Variants in LMBR1 observed in about 807,000 individuals in gnomAD.
LMBR1 encodes limb region 1 protein homolog.
LMBR1 carries 52 observed loss-of-function variants against 73.9 expected under a neutral mutation model. That is an observed-to-expected ratio of 0.70 (90% CI 0.56 to 0.89). The LOEUF is 0.89. Among genes scored for constraint, LMBR1 ranks in the 40% least tolerant of loss-of-function variants. The pLI, the probability that LMBR1 is intolerant of heterozygous loss-of-function variation, is 0.00. For synonymous variants in LMBR1, 215 were observed against 209.4 expected, an observed-to-expected ratio of 1.03 and a Z score of -0.23; for missense variants, 539 against 579.8, an observed-to-expected ratio of 0.93 and a Z score of 0.72.
In LMBR1 at chr7:156,749,878, C is replaced by T. The variant is rs769281749; in HGVS notation, c.757+6515G>A. Among the ~76,000 whole-genome samples, 8 of 152,072 alleles carry T rather than the reference C, an allele frequency of 5.3e-5. No homozygotes were observed. The East Asian group carries it at 5.8e-4, about 11-fold the overall frequency. ...TAATTTTTGTATTTTTAATAGAGAC[C>T]GGGTTTCACCATGCTGGCCAGGTGG... On this transcript the variant is annotated intron_variant, in intron 9 of 16. Transcript: ENST00000353442.
rs772161675 is a variant in LMBR1, at chr7:156,681,559, A to C, written c.*2519T>G. ...AATTTATTTAAGTATTGCAGAACCA[A>C]TTAATAAGAATCTGCAAGTTTTCCC... is the stretch of plus-strand genomic sequence containing the variant. On this transcript the variant is annotated 3_prime_UTR_variant, in exon 17 of 17. Transcript: ENST00000353442. The C allele has an allele frequency of 1.3e-5, 2 of 153,560 alleles. No homozygotes were observed. The highest frequency in any genetic ancestry group is 4.8e-5 in the African/African-American group (2 of 41,478). The allele number at this position is 153,560 out of a possible 1,614,324, so 9.5% of individuals were successfully genotyped here.
At chr7:156,719,615 T>C (rs1814059192) in intron 15 of LMBR1, among the ~76,000 whole-genome samples, 1 of 152,034 alleles carries the variant, frequency 6.6e-6, no homozygotes, top group Non-Finnish European at 1.5e-5. Context: ...TTAAAGTTCA[T>C]ATGGAACCAA....
rs142239565 is a variant in LMBR1 at position 156,772,935 on chromosome 7, A to T, written c.424-9140T>A. ...GAAGTCAAATTATCTCTGTTTGCAG[A>T]TGATATAATTTCATATCTAGAAAAT... On this transcript the variant is annotated intron_variant, in intron 5 of 16. Transcript: ENST00000353442. Among the ~76,000 whole-genome samples the T allele has an allele frequency of 3.9e-5, 6 of 152,248 alleles. No homozygotes were observed. The East Asian group carries it at 1.2e-3, about 29-fold the overall frequency.
At chr7:156,831,785 G>A (rs1335609877) in intron 3 of LMBR1, among the ~76,000 whole-genome samples, 1 of 152,164 alleles carries the variant, frequency 6.6e-6, no homozygotes, top group Non-Finnish European at 1.5e-5. Flanking sequence ...AAAAGACAAA[G>A]TGATGTGTTC....
intron 1 of LMBR1, among the ~76,000 whole-genome samples, chr7:156,855,504 G>A (rs1475518995): frequency 6.6e-6 from 1 of 151,820 alleles, no homozygotes; most frequent in Non-Finnish European, 1.5e-5. Context: ...AAGAAGTACA[G>A]AACAATTACA....
At chr7:156,720,926 G>C (rs1814424434) in intron 15 of LMBR1, among the ~76,000 whole-genome samples, 1 of 151,846 alleles carries the variant, frequency 6.6e-6, no homozygotes. Context: ...CAGATAAATA[G>C]GGATTACCAA....
At chr7:156,710,695 G>T (rs957162918) in intron 15 of LMBR1, among the ~76,000 whole-genome samples, 1 of 152,188 alleles carries the variant, frequency 6.6e-6, no homozygotes, top group African/African-American at 2.4e-5. Flanking sequence ...ATCACAAAAT[G>T]ATCATCACAC....
downstream of LMBR1, chr7:156,675,800 G>C (rs1318020425): frequency 6.2e-7 from 1 of 1,614,064 alleles, no homozygotes; most frequent in Non-Finnish European, 8.5e-7. Context: ...GTGTTCTTCA[G>C]CAGTTGGAAG....
intron 10 of LMBR1, among the ~76,000 whole-genome samples, chr7:156,729,417 T>TTATA (rs1371828414): frequency 4.0e-4 from 59 of 147,354 alleles, no homozygotes; most frequent in Non-Finnish European, 7.9e-4. Flanking sequence ...ATCTACATAT[T>TTATA]GATATATATA....
chr7:156,886,071 C>T (rs1801851192), intron 1 of LMBR1, among the ~76,000 whole-genome samples: 1 of 151,150 alleles, frequency 6.6e-6, no homozygotes, highest in South Asian at 2.1e-4. Context: ...AAAAGACTTC[C>T]TTCAAGTAGG....
chr7:156,891,468 G>A (rs371594753), intron 1 of LMBR1, among the ~76,000 whole-genome samples: 44 of 151,612 alleles, frequency 2.9e-4, no homozygotes, highest in East Asian at 1.9e-3. Flanking sequence ...TATACGGTAA[G>A]ATTCCATTTA....
rs1196897736 is a variant in LMBR1, at chr7:156,670,774, G to A, written n.867-1487C>T. Among the ~76,000 whole-genome samples the A allele has an allele frequency of 6.6e-6, 1 of 152,142 alleles. No homozygotes were observed. Among genetic ancestry groups the A allele is most frequent in the Admixed American group, 6.6e-5 (1 of 15,260 alleles). ...AATGAAAGTTACATTCAAGACGAGA[G>A]GCAAAAGAAAAGCCAGACAAAAAGT... On this transcript the variant is annotated intron_variant and non_coding_transcript_variant, in intron 4 of 4. Transcript: ENST00000430825. The surrounding 1 kb of genome is among the most constrained non-coding windows in gnomAD (Gnocchi z 4.3).
chr7:156,671,799 A>G (rs192637190), intron 4 of LMBR1, among the ~76,000 whole-genome samples: 1 of 151,436 alleles, frequency 6.6e-6, no homozygotes, highest in Non-Finnish European at 1.5e-5. Flanking sequence ...AGTCGTGTAG[A>G]GTATGTTCCC....
At chr7:156,676,279 T>C (rs765817198), downstream of LMBR1, 2 of 1,564,062 alleles carry the variant, frequency 1.3e-6, no homozygotes, top group South Asian at 1.2e-5. Context: ...ATAAAATGCA[T>C]GTGATTTTAA....
intron 15 of LMBR1, among the ~76,000 whole-genome samples, chr7:156,688,654 T>TA (rs1165875337): frequency 6.6e-6 from 1 of 152,168 alleles, no homozygotes; most frequent in Non-Finnish European, 1.5e-5. Context: ...CCCCTCTCTT[T>TA]AGTCGGGTCT....
chr7:156,761,448 ATTT>A (rs1409692321), intron 8 of LMBR1, among the ~76,000 whole-genome samples: 3 of 152,134 alleles, frequency 2.0e-5, no homozygotes, highest in Non-Finnish European at 4.4e-5. Context: ...ATGCAGACAA[ATTT>A]TCAGAAATAT....
chr7:156,697,883 G>A (rs571457210), intron 15 of LMBR1, among the ~76,000 whole-genome samples: 77 of 152,294 alleles, frequency 5.1e-4, no homozygotes, highest in African/African-American at 1.8e-3. Flanking sequence ...TTAAAGACAG[G>A]CATAAAAAAT....
chr7:156,773,895 GCAAA>G (rs981006152), intron 5 of LMBR1, among the ~76,000 whole-genome samples: 5 of 151,732 alleles, frequency 3.3e-5, no homozygotes, highest in African/African-American at 7.3e-5. Context: ...CAAGAAACAA[GCAAA>G]CAAACAAACA....
chr7:156,806,598 C>CTTTT lies in LMBR1; in HGVS notation c.320-10110_320-10107dup, dbSNP rs71189962. Among the ~76,000 whole-genome samples, 155 of 44,680 alleles carry CTTTT rather than the reference C, an allele frequency of 3.5e-3. 22 individuals are homozygous for CTTTT. The highest frequency in any genetic ancestry group is 0.014 in the African/African-American group (134 of 9,876). The allele number at this position is 44,680 out of a possible 152,430, so 29.3% of individuals were successfully genotyped here. A position where few individuals can be genotyped will look rare whatever the true frequency, so the allele number is the denominator to read the frequency against. On this transcript the variant is annotated intron_variant, in intron 4 of 16. Transcript: ENST00000353442. ...GTTATCAGTAGGTTTTTTGTAGATG[C>CTTTT]TTTTTTTTTTTTTTTTTTTTTTTTT...
Sources: gnomAD v4.1 joint callset for allele counts (sites outside exome capture counted in the v4.1 genomes callset) on GRCh38, gnomAD v4.1.1 for gene constraint, Gnocchi (gnomAD v3.1) non-coding constraint, MANE v1.5 for transcripts, NCBI Gene and HGNC (gene_info 2026-07-23, HGNC 2026-07-21) for gene names.